WAPL: variants seen among roughly 807,000 people sequenced by gnomAD.
The protein encoded by WAPL is wings apart-like protein homolog.
Under a neutral mutation model 121.0 loss-of-function variants are expected in WAPL, and 5 were observed. The observed-to-expected ratio is 0.04, with a 90% CI of 0.02 to 0.09. The LOEUF is 0.09. Ranked by LOEUF, WAPL falls within the 10% of genes least tolerant of loss-of-function variation. WAPL has a pLI of 1.00. For synonymous variants in WAPL, 480 were observed against 481.5 expected, an observed-to-expected ratio of 1.00 and a Z score of 0.04; for missense variants, 999 against 1,410.8, an observed-to-expected ratio of 0.71 and a Z score of 4.68.
intron 15 of WAPL, among the ~76,000 whole-genome samples, chr10:86,451,457 T>C (rs1160726323): frequency 6.6e-6 from 1 of 151,978 alleles, no homozygotes; most frequent in East Asian, 1.9e-4. Context: ...GACATGCCAC[T>C]TCGGCTCACC....
intron 12 of WAPL, among the ~76,000 whole-genome samples, chr10:86,454,697 G>A (rs1347891810): frequency 6.7e-6 from 1 of 149,138 alleles, no homozygotes; most frequent in Non-Finnish European, 1.5e-5. Flanking sequence ...GCCGCCCATC[G>A]TCTGGGATGT....
chr10:86,474,637 G>A (rs988455807), intron 4 of WAPL, among the ~76,000 whole-genome samples: 2 of 152,202 alleles, frequency 1.3e-5, no homozygotes, highest in African/African-American at 2.4e-5. Context: ...AGTGAGGAAG[G>A]AGGATCACTT....
rs1459480311 is a variant in WAPL, at chr10:86,436,878, C to A, written c.*665G>T. On this transcript the variant is annotated 3_prime_UTR_variant, in exon 19 of 19. Transcript: ENST00000298767. ...GTATGATATTGAATATGGTTGTGGT[C>A]TCAAAAGTAAAAAATAGTTCAATAA... 1 of 152,330 alleles carries A rather than the reference C, an allele frequency of 6.6e-6. No homozygotes were observed. Among genetic ancestry groups the A allele is most frequent in the Non-Finnish European group, 1.5e-5 (1 of 68,008 alleles). 9.4% of individuals were successfully genotyped at this position (152,330 alleles called of 1,614,324 possible). A position where few individuals can be genotyped will look rare whatever the true frequency, so the allele number is the denominator to read the frequency against.
intron 2 of WAPL, among the ~76,000 whole-genome samples, chr10:86,513,225 T>C (rs1325321881): frequency 6.6e-6 from 1 of 152,166 alleles, no homozygotes; most frequent in Admixed American, 6.5e-5. Flanking sequence ...CTCGAACTCC[T>C]GACCTCAAGC....
At chr10:86,515,262 C>CA (rs1160321277) in intron 2 of WAPL, among the ~76,000 whole-genome samples, 140 of 113,972 alleles carry the variant, frequency 1.2e-3, no homozygotes, top group Middle Eastern at 4.8e-3. Context: ...GACTTCATCT[C>CA]AAAAAAAAAA....
At chr10:86,517,356 C>A (rs532551641) in intron 2 of WAPL, among the ~76,000 whole-genome samples, 1 of 152,132 alleles carries the variant, frequency 6.6e-6, no homozygotes, top group Non-Finnish European at 1.5e-5. Context: ...ACGTACCCTG[C>A]GCAACAGTCT....
Position 86,453,788 on chromosome 10 carries a change from C to A in WAPL, c.2701G>T (p.Ala901Ser). The A allele has an allele frequency of 6.2e-7, 1 of 1,613,350 alleles. No individual in the cohort carries two copies. The highest frequency in any genetic ancestry group is 1.1e-5 in the South Asian group (1 of 90,778). Reference protein sequence around the residue: ...CEELIQQYNRAEDSICLADSK... With the variant: ...CEELIQQYNRSEDSICLADSK... ...TCAGCTAAGCATATGCTGTCCTCAG[C>A]ACGGTTGTACTGCTGAATCAGTTCT... Residue 901 changes from alanine (A) to serine (S), a missense_variant, in exon 13 of 19, where the codon GCT becomes TCT. This residue lies in a region of WAPL where 85 missense variants were observed against 133.5 expected (regional missense o/e 0.64). Coordinates refer to ENST00000298767, the MANE Select transcript of WAPL (RefSeq NM_015045.5).
intron 2 of WAPL, among the ~76,000 whole-genome samples, chr10:86,512,215 C>A (rs1275386609): frequency 6.6e-6 from 1 of 152,200 alleles, no homozygotes; most frequent in Non-Finnish European, 1.5e-5. Context: ...AGTTCTAAAT[C>A]CAAGTTCAAA....
chr10:86,499,108 G>A (rs1429109878), intron 3 of WAPL, among the ~76,000 whole-genome samples: 1 of 152,100 alleles, frequency 6.6e-6, no homozygotes, highest in Non-Finnish European at 1.5e-5. Context: ...ACGATGTTTG[G>A]TGTCCCTGCC....
At chr10:86,505,352 A>AGGCAGT (rs2132225781) in intron 2 of WAPL, among the ~76,000 whole-genome samples, 1 of 127,590 alleles carries the variant, frequency 7.8e-6, no homozygotes, top group African/African-American at 2.8e-5. Flanking sequence ...TCTGTCAATA[A>AGGCAGT]GGCAGTGGTG....
intron 17 of WAPL, among the ~76,000 whole-genome samples, chr10:86,440,318 C>T (rs957803893): frequency 6.6e-6 from 1 of 150,664 alleles, no homozygotes; most frequent in Non-Finnish European, 1.5e-5. Flanking sequence ...GATGGAGTCT[C>T]GCTCTGTTGC....
rs1415529792 is a variant in WAPL at position 86,435,402 on chromosome 10, T to C, written c.*2141A>G. ...TGAGAAATACTGTATAAAATAAAAA[T>C]AGGATTGGATTCAGAAAAGTACTCT... On this transcript the variant is annotated 3_prime_UTR_variant, in exon 19 of 19. Coordinates refer to ENST00000298767, the MANE Select transcript of WAPL (RefSeq NM_015045.5). The C allele has an allele frequency of 2.0e-5, 3 of 152,614 alleles. No individual in the cohort carries two copies. Among genetic ancestry groups the C allele is most frequent in the Non-Finnish European group, 1.5e-5 (1 of 68,028 alleles). 9.5% of individuals were successfully genotyped at this position (152,614 alleles called of 1,614,324 possible). A position where few individuals can be genotyped will look rare whatever the true frequency, so the allele number is the denominator to read the frequency against.
At position 86,471,181 on chromosome 10, in the gene WAPL, A is replaced by G. The variant is rs1308304423; in HGVS notation, c.2031-78T>C. ...TTTGAGTTTGTGTAATACCAAAACCAGCAAATAGGAAGGGGGTAAAAGGGT... is the reference window on the plus strand; with the variant it reads ...TTTGAGTTTGTGTAATACCAAAACCGGCAAATAGGAAGGGGGTAAAAGGGT... On this transcript the variant is annotated intron_variant, in intron 7 of 18. Transcript: ENST00000298767. 3.5e-6 allele frequency: 4 copies of G among 1,151,732 alleles called. No homozygotes were observed. The African/African-American group carries it at 6.1e-5, about 18-fold the overall frequency. 71.3% of individuals were successfully genotyped at this position (1,151,732 alleles called of 1,614,324 possible).
At position 86,443,334 on chromosome 10, in the gene WAPL, C is replaced by A; in HGVS notation, c.3352G>T (p.Asp1118Tyr). The A allele has an allele frequency of 6.2e-7, 1 of 1,614,022 alleles. No individual in the cohort carries two copies. The highest frequency in any genetic ancestry group is 8.5e-7 in the Non-Finnish European group (1 of 1,179,958). ...ALQHAGKHME[D>Y]CIVASYTALL... ...GCTGTGTAGGAGGCCACAATGCAAT[C>A]CTCCATGTGTTTGCCGGCATGCTGA... The change falls in exon 17 of 19, where the codon GAT becomes TAT. Residue 1118 changes from aspartate to tyrosine, a missense_variant. By Grantham distance (160) the Asp-to-Tyr change is radical (BLOSUM62 -3). Transcript: ENST00000298767.
intron 15 of WAPL, among the ~76,000 whole-genome samples, chr10:86,450,903 G>T (rs1840962446): frequency 2.0e-5 from 3 of 152,178 alleles, no homozygotes; most frequent in Admixed American, 2.0e-4. Flanking sequence ...AATAAAAAAT[G>T]ACTTTAAATG....
At chr10:86,510,215 T>C (rs1032521407) in intron 2 of WAPL, among the ~76,000 whole-genome samples, 3 of 150,478 alleles carry the variant, frequency 2.0e-5, no homozygotes, top group African/African-American at 4.9e-5. Context: ...CCTGGGATTA[T>C]AGGCACACGC....
At chr10:86,474,812 C>T (rs1841615597) in intron 4 of WAPL, among the ~76,000 whole-genome samples, 1 of 152,208 alleles carries the variant, frequency 6.6e-6, no homozygotes, top group Non-Finnish European at 1.5e-5. Context: ...ACTACCAATT[C>T]ATGCCTCACA....
intron 4 of WAPL, among the ~76,000 whole-genome samples, chr10:86,474,467 C>T (rs940267157): frequency 5.4e-5 from 8 of 148,452 alleles, no homozygotes; most frequent in Non-Finnish European, 7.4e-5. Context: ...TGAGCTAAGA[C>T]TGTGCCACTG....
chr10:86,463,007 T>C (rs565756302), intron 9 of WAPL, among the ~76,000 whole-genome samples: 1 of 152,362 alleles, frequency 6.6e-6, no homozygotes, highest in African/African-American at 2.4e-5. Flanking sequence ...AAAGGATTCT[T>C]TGATATTTTA....
Sources: gnomAD v4.1 joint callset for allele counts (sites outside exome capture counted in the v4.1 genomes callset) on GRCh38, gnomAD v4.1.1 for gene constraint, gnomAD v4.1.1 regional missense constraint, MANE v1.5 for transcripts, NCBI Gene and HGNC (gene_info 2026-07-23, HGNC 2026-07-21) for gene names.